NKAIN3: variants seen among roughly 807,000 people sequenced by gnomAD.
NKAIN3 encodes sodium/potassium-transporting ATPase subunit beta-1-interacting protein 3.
A neutral mutation model predicts 30.2 loss-of-function variants in NKAIN3; 25 were observed. That is an observed-to-expected ratio of 0.83 (90% confidence interval 0.60 to 1.16). NKAIN3 has a LOEUF of 1.16. Ranked by LOEUF, NKAIN3 falls within the 50% of genes most tolerant of loss-of-function variation. The pLI is 0.00. For missense variants in NKAIN3, 225 were observed against 254.1 expected (o/e 0.89, Z 0.78); for synonymous variants, 91 against 89.6 (o/e 1.02, Z -0.09).
intron 5 of NKAIN3, among the ~76,000 whole-genome samples, chr8:62,919,370 G>C (rs1822208571): frequency 1.3e-5 from 2 of 149,128 alleles, no homozygotes; most frequent in African/African-American, 4.9e-5. Flanking sequence ...TCAGCCTCCT[G>C]AGTGGCTGGA....
intron 4 of NKAIN3, among the ~76,000 whole-genome samples, chr8:62,895,058 A>G (rs1821392422): frequency 6.6e-6 from 1 of 152,236 alleles, no homozygotes; most frequent in Admixed American, 6.5e-5. Flanking sequence ...TTTAAGCTGG[A>G]TACTTTGCAA....
At chr8:62,962,180 G>A (rs1823587958) in intron 6 of NKAIN3, among the ~76,000 whole-genome samples, 1 of 151,930 alleles carries the variant, frequency 6.6e-6, no homozygotes, top group South Asian at 2.1e-4. Flanking sequence ...AATAGACTGG[G>A]GGTAGAAATA....
chr8:62,885,089 A>G (rs1821105356), intron 4 of NKAIN3, among the ~76,000 whole-genome samples: 1 of 151,722 alleles, frequency 6.6e-6, no homozygotes. Context: ...TATTTATTTT[A>G]TATGTTGCTT....
At chr8:62,304,826 CGTT>C (rs1814172604) in intron 1 of NKAIN3, among the ~76,000 whole-genome samples, 1 of 149,838 alleles carries the variant, frequency 6.7e-6, no homozygotes, top group Non-Finnish European at 1.5e-5. Context: ...TTCGGCATGA[CGTT>C]CATAGGCCAG....
chr8:62,409,415 C>T (rs1336823453), intron 1 of NKAIN3, among the ~76,000 whole-genome samples: 1 of 152,118 alleles, frequency 6.6e-6, no homozygotes, highest in Non-Finnish European at 1.5e-5. Context: ...AACTTCTGAC[C>T]TCCGGTGCTC....
At chr8:62,872,685 G>C (rs1820681522) in intron 4 of NKAIN3, among the ~76,000 whole-genome samples, 1 of 152,212 alleles carries the variant, frequency 6.6e-6, no homozygotes. Context: ...AGAGGGTAAG[G>C]AGTGAGTAAG....
At chr8:62,514,505 A>G (rs1268952234) in intron 1 of NKAIN3, among the ~76,000 whole-genome samples, 4 of 152,190 alleles carry the variant, frequency 2.6e-5, no homozygotes, top group Non-Finnish European at 5.9e-5. Context: ...TTTCACAGAT[A>G]CTTCACTGAT....
intron 3 of NKAIN3, among the ~76,000 whole-genome samples, chr8:62,677,813 A>T (rs969955727): frequency 6.6e-6 from 1 of 151,854 alleles, no homozygotes; most frequent in Non-Finnish European, 1.5e-5. Context: ...GATGTCTAGG[A>T]CTCCTCCTTA....
chr8:62,949,966 C>T (rs4739027), intron 5 of NKAIN3, among the ~76,000 whole-genome samples: 25,710 of 151,946 alleles, frequency 0.17, 2,618 homozygotes, highest in East Asian at 0.37. Context: ...TATTTCTTTT[C>T]GTGTTTCATT....
intron 4 of NKAIN3, among the ~76,000 whole-genome samples, chr8:62,890,369 G>C (rs533146625): frequency 6.6e-6 from 1 of 152,334 alleles, no homozygotes; most frequent in South Asian, 2.1e-4. Flanking sequence ...GAGCAACAAT[G>C]AAAGGATATG....
intron 3 of NKAIN3, among the ~76,000 whole-genome samples, chr8:62,717,805 A>C (rs1291268955): frequency 6.6e-6 from 1 of 152,220 alleles, no homozygotes; most frequent in Non-Finnish European, 1.5e-5. Context: ...AGGTGTAAGA[A>C]CAAAGTATAT....
chr8:62,311,519 C>G (rs1056549488), intron 1 of NKAIN3, among the ~76,000 whole-genome samples: 1 of 150,532 alleles, frequency 6.6e-6, no homozygotes, highest in Admixed American at 6.6e-5. Flanking sequence ...GAAACTCCAC[C>G]ATCATTTCAG....
chr8:62,543,841 G>A (rs1355960210), intron 1 of NKAIN3, among the ~76,000 whole-genome samples: 2 of 152,070 alleles, frequency 1.3e-5, no homozygotes, highest in Non-Finnish European at 2.9e-5. Flanking sequence ...TCTCCCAAGG[G>A]TTTGTAAGGT....
At chr8:62,334,830 G>A (rs948204227) in intron 1 of NKAIN3, among the ~76,000 whole-genome samples, 6 of 151,990 alleles carry the variant, frequency 3.9e-5, no homozygotes, top group African/African-American at 1.4e-4. Context: ...AGAAGGCTGG[G>A]CTTGACTTAA....
intron 1 of NKAIN3, among the ~76,000 whole-genome samples, chr8:62,488,517 A>AT (rs1806971850): frequency 6.6e-6 from 1 of 152,206 alleles, no homozygotes; most frequent in African/African-American, 2.4e-5. Flanking sequence ...GCCTAGCTGA[A>AT]TGGGTAGCCC....
At chr8:62,414,305 C>G (rs74746606) in intron 1 of NKAIN3, among the ~76,000 whole-genome samples, 1 of 151,986 alleles carries the variant, frequency 6.6e-6, no homozygotes, top group Non-Finnish European at 1.5e-5. Context: ...ATAAAAGGAG[C>G]TGCATTATAA....
intron 4 of NKAIN3, among the ~76,000 whole-genome samples, chr8:62,810,497 A>G (rs1160710297): frequency 6.6e-6 from 1 of 152,134 alleles, no homozygotes; most frequent in African/African-American, 2.4e-5. Flanking sequence ...CAGTTTTTTC[A>G]TTTGTAAAAT....
At chr8:62,774,968 G>T (rs2130642992) in intron 4 of NKAIN3, among the ~76,000 whole-genome samples, 1 of 152,082 alleles carries the variant, frequency 6.6e-6, no homozygotes, top group Middle Eastern at 3.4e-3. Context: ...GAATAGTTTG[G>T]ATGTGATTGG....
intron 5 of NKAIN3, among the ~76,000 whole-genome samples, chr8:62,945,587 C>T (rs917336391): frequency 6.6e-6 from 1 of 152,116 alleles, no homozygotes; most frequent in Non-Finnish European, 1.5e-5. Context: ...GAAGCAAGGT[C>T]CAGAATGGCC....
Sources: allele counts gnomAD v4.1 joint callset (sites outside exome capture counted in the v4.1 genomes callset), GRCh38; gene constraint gnomAD v4.1.1; transcripts MANE v1.5; gene names NCBI Gene and HGNC (gene_info 2026-07-23, HGNC 2026-07-21).